TGFA: variants seen among roughly 807,000 people sequenced by gnomAD.
TGFA encodes the protein protransforming growth factor alpha.
A neutral mutation model predicts 21.7 loss-of-function variants in TGFA; 12 were observed. The observed-to-expected ratio is 0.55, with a 90% CI of 0.35 to 0.90. The LOEUF is 0.90. Among genes scored for constraint, TGFA ranks in the 40% least tolerant of loss-of-function variants. The pLI, the probability that TGFA is intolerant of heterozygous loss-of-function variation, is 0.01. For missense variants in TGFA, 178 were observed against 210.8 expected, an observed-to-expected ratio of 0.84 and a Z score of 0.96; for synonymous variants, 79 against 88.1, an observed-to-expected ratio of 0.90 and a Z score of 0.58.
At chr2:70,553,383 A>G in intron 1 of TGFA, 1 of 1,455,082 alleles carries the variant, frequency 6.9e-7, no homozygotes, top group Non-Finnish European at 9.0e-7. Context: ...CCGGGCTTGG[A>G]GGCAGCCAGG....
chr2:70,453,369 AG>A (rs782674265), intron 4 of TGFA, 42 bp from the exon 5 acceptor site: 10 of 1,580,558 alleles, frequency 6.3e-6, no homozygotes, highest in Non-Finnish European at 8.7e-6. Flanking sequence ...GGAGCCTGGT[AG>A]GAGGGCCAGG....
chr2:70,478,391 A>G (rs557286123), intron 2 of TGFA, among the ~76,000 whole-genome samples: 9 of 152,304 alleles, frequency 5.9e-5, no homozygotes, highest in Non-Finnish European at 1.0e-4. Context: ...CAGCATGGTA[A>G]CTACTATAAC....
intron 4 of TGFA, among the ~76,000 whole-genome samples, chr2:70,456,064 C>T (rs975113112): frequency 9.9e-5 from 15 of 152,246 alleles, no homozygotes; most frequent in Admixed American, 6.5e-4. Flanking sequence ...CTCCAACAAC[C>T]GTGGAAAGAA....
At chr2:70,468,096 C>T (rs1262578018) in intron 2 of TGFA, among the ~76,000 whole-genome samples, 1 of 152,228 alleles carries the variant, frequency 6.6e-6, no homozygotes, top group Non-Finnish European at 1.5e-5. Flanking sequence ...CAGCTGTTAG[C>T]TCTCCTGTTG....
At chr2:70,527,197 C>A (rs1043144581) in intron 1 of TGFA, among the ~76,000 whole-genome samples, 5 of 152,092 alleles carry the variant, frequency 3.3e-5, no homozygotes, top group African/African-American at 4.8e-5. Context: ...TGGAAGCAAC[C>A]AAAATATTCT....
intron 2 of TGFA, among the ~76,000 whole-genome samples, chr2:70,504,465 C>CATATATATATATAT (rs1559124076): frequency 1.6e-5 from 1 of 62,554 alleles, no homozygotes; most frequent in Non-Finnish European, 3.8e-5. Flanking sequence ...TATATATATA[C>CATATATATATATAT]ACACATACAT....
At chr2:70,477,749 A>C (rs1210602045) in intron 2 of TGFA, among the ~76,000 whole-genome samples, 1 of 152,208 alleles carries the variant, frequency 6.6e-6, no homozygotes, top group African/African-American at 2.4e-5. Flanking sequence ...GGGAGGAGCC[A>C]CAGGATGGAA....
chr2:70,483,160 G>A (rs1374710926), intron 2 of TGFA, among the ~76,000 whole-genome samples: 2 of 152,136 alleles, frequency 1.3e-5, no homozygotes, highest in Non-Finnish European at 1.5e-5. Flanking sequence ...ACAGCCTTAT[G>A]CTGGTGGCAT....
At chr2:70,547,870 TA>T (rs1332469707) in intron 1 of TGFA, among the ~76,000 whole-genome samples, 2 of 148,204 alleles carry the variant, frequency 1.3e-5, no homozygotes, top group African/African-American at 2.5e-5. Flanking sequence ...TATAGAGAGA[TA>T]TATATATCTA....
chr2:70,531,218 G>T (rs909918443), intron 1 of TGFA, among the ~76,000 whole-genome samples: 5 of 152,158 alleles, frequency 3.3e-5, no homozygotes, highest in African/African-American at 1.2e-4. Context: ...CACAGAGTAT[G>T]GTCAGTCCCA....
chr2:70,469,331 A>T (rs879981199), intron 2 of TGFA, among the ~76,000 whole-genome samples: 25 of 152,056 alleles, frequency 1.6e-4, no homozygotes, highest in African/African-American at 5.1e-4. Context: ...TTAATTAATT[A>T]ATTAATTTAT....
At chr2:70,485,363 G>T (rs1459282244) in intron 2 of TGFA, among the ~76,000 whole-genome samples, 4 of 151,912 alleles carry the variant, frequency 2.6e-5, no homozygotes, top group Non-Finnish European at 5.9e-5. Flanking sequence ...TCAGCCTCCC[G>T]AGTAGCTGGG....
At chr2:70,545,453 A>G (rs1468344684) in intron 1 of TGFA, among the ~76,000 whole-genome samples, 2 of 152,224 alleles carry the variant, frequency 1.3e-5, no homozygotes. Context: ...GTTGTTTTAA[A>G]AAAACAGAAT....
rs1390933235 is a variant in TGFA, at chr2:70,531,979, C to G, written c.41-17067G>C. On this transcript the variant is annotated intron_variant, in intron 1 of 5. Coordinates refer to ENST00000295400, the MANE Select transcript of TGFA (RefSeq NM_003236.4). ...AATTATTGCCAATGGAGCAAGAGGT[C>G]ATCCAGAGACACTCGTTGGTATTGA... Among the ~76,000 whole-genome samples the G allele has an allele frequency of 2.6e-5, 4 of 152,204 alleles. No individual in the cohort carries two copies. In the South Asian group the frequency reaches 8.3e-4, roughly 32 times the overall value.
At chr2:70,462,798 T>C (rs1670442443) in intron 3 of TGFA, among the ~76,000 whole-genome samples, 1 of 152,102 alleles carries the variant, frequency 6.6e-6, no homozygotes, top group Non-Finnish European at 1.5e-5. Flanking sequence ...TAAAGAGGTG[T>C]AATTGCTTGC....
intron 2 of TGFA, among the ~76,000 whole-genome samples, chr2:70,501,530 C>T (rs1431075822): frequency 3.9e-5 from 6 of 152,140 alleles, no homozygotes; most frequent in Admixed American, 2.6e-4. Flanking sequence ...AGAAAGTCAA[C>T]TTAAATTGGG....
intron 2 of TGFA, among the ~76,000 whole-genome samples, chr2:70,471,913 A>G (rs996084788): frequency 6.6e-6 from 1 of 152,244 alleles, no homozygotes; most frequent in East Asian, 1.9e-4. Flanking sequence ...CATTACAAGG[A>G]ACCCCCCAAA....
intron 1 of TGFA, among the ~76,000 whole-genome samples, chr2:70,525,023 G>A (rs1672591611): frequency 6.6e-6 from 1 of 152,210 alleles, no homozygotes; most frequent in Non-Finnish European, 1.5e-5. Flanking sequence ...TAGACTCTTG[G>A]TGGCTGAAAT....
intron 2 of TGFA, among the ~76,000 whole-genome samples, chr2:70,496,081 T>C (rs1671570749): frequency 6.6e-6 from 1 of 151,740 alleles, no homozygotes; most frequent in South Asian, 2.1e-4. Flanking sequence ...CTCAGCTGAA[T>C]ACTGCAAAGC....
Sources: gnomAD v4.1 joint callset for allele counts (sites outside exome capture counted in the v4.1 genomes callset) on GRCh38, gnomAD v4.1.1 for gene constraint, MANE v1.5 for transcripts, NCBI Gene and HGNC (gene_info 2026-07-23, HGNC 2026-07-21) for gene names.